Variants in PCSK6 observed in about 807,000 individuals in gnomAD.
The protein encoded by PCSK6 is proprotein convertase subtilisin/kexin type 6.
PCSK6 carries 85 observed loss-of-function variants against 123.3 expected under a neutral mutation model. The observed-to-expected ratio is 0.69, with a 90% confidence interval of 0.58 to 0.83. PCSK6 has a LOEUF of 0.83. Ranked by LOEUF, PCSK6 falls within the 40% of genes least tolerant of loss-of-function variation. The pLI, the probability that PCSK6 is intolerant of heterozygous loss-of-function variation, is 0.00. For synonymous variants in PCSK6, 508 were observed against 516.0 expected (o/e 0.98, Z 0.21); for missense variants, 1,191 against 1,282.3 (o/e 0.93, Z 1.09).
chr15:101,487,928 T>C (rs935041006), intron 1 of PCSK6, among the ~76,000 whole-genome samples: 6 of 152,170 alleles, frequency 3.9e-5, no homozygotes, highest in Non-Finnish European at 8.8e-5. Context: ...TATGTGTGTA[T>C]ATGTGTATAT....
At chr15:101,388,711 G>A (rs62018969) in intron 9 of PCSK6, among the ~76,000 whole-genome samples, 7,554 of 152,120 alleles carry the variant, frequency 0.05, 393 homozygotes, top group East Asian at 0.26. Flanking sequence ...CCATCAGGAT[G>A]GCCTAAAAAA....
chr15:101,321,979 T>C (rs2040134442), intron 18 of PCSK6, among the ~76,000 whole-genome samples: 1 of 152,210 alleles, frequency 6.6e-6, no homozygotes, highest in African/African-American at 2.4e-5. Flanking sequence ...GAAGAAACAT[T>C]TCAAAATATT....
At chr15:101,330,954 A>G (rs893439254) in intron 15 of PCSK6, among the ~76,000 whole-genome samples, 3 of 152,254 alleles carry the variant, frequency 2.0e-5, no homozygotes, top group Admixed American at 2.0e-4. Flanking sequence ...AGAAGATATT[A>G]GATAACTTAA....
At position 101,384,373 on chromosome 15, in the gene PCSK6, G is replaced by A. The variant is rs763996730; in HGVS notation, c.1363C>T (p.Pro455Ser). ...CAGTCGCTCGCTTTCAGGTGGGCCG[G>A]CCGGGATGTCTTCACTAGCAGGTGC... ...VQHLLVKTSR[P>S]AHLKASDWKV... Residue 455 changes from proline (P) to serine (S), a missense_variant, in exon 10 of 22, where the codon CCG becomes TCG. Physicochemically the swap from Pro to Ser is moderately conservative, Grantham distance 74 (BLOSUM62 -1). Around this residue, in one of 3 missense-constraint regions of PCSK6, gnomAD observed 357 missense variants for 484.5 expected, o/e 0.74. Coordinates refer to ENST00000611716, the MANE Select transcript of PCSK6 (RefSeq NM_002570.5). 6.2e-7 allele frequency: 1 copy of A among 1,613,826 alleles called. No individual in the cohort carries two copies. The highest frequency in any genetic ancestry group is 8.5e-7 in the Non-Finnish European group (1 of 1,179,830).
intron 18 of PCSK6, 116 bp downstream of exon 18, chr15:101,322,404 G>A (rs1039595576): frequency 5.8e-6 from 4 of 690,524 alleles, no homozygotes; most frequent in Non-Finnish European, 1.0e-5. Context: ...ACCCTCAATG[G>A]CTTTGGGCCT....
At chr15:101,373,055 A>G (rs1010674016) in intron 11 of PCSK6, among the ~76,000 whole-genome samples, 1 of 152,024 alleles carries the variant, frequency 6.6e-6, no homozygotes, top group African/African-American at 2.4e-5. Flanking sequence ...CGCCACTCTG[A>G]GCCCCACCCA....
intron 1 of PCSK6, among the ~76,000 whole-genome samples, chr15:101,470,068 T>G (rs1196991897): frequency 2.0e-5 from 3 of 152,210 alleles, no homozygotes; most frequent in Admixed American, 1.3e-4. Context: ...CCATTTTTTT[T>G]GAAGAAAGAG....
chr15:101,479,779 C>T (rs1166307478), intron 1 of PCSK6, among the ~76,000 whole-genome samples: 2 of 152,160 alleles, frequency 1.3e-5, no homozygotes, highest in Non-Finnish European at 2.9e-5. Context: ...CCTTCCCCTC[C>T]ACCACCTTCC....
chr15:101,422,263 A>T (rs1161790035), intron 6 of PCSK6, among the ~76,000 whole-genome samples: 2 of 152,244 alleles, frequency 1.3e-5, no homozygotes, highest in Non-Finnish European at 2.9e-5. Context: ...ACAGAAGAGA[A>T]CATATAAACT....
At chr15:101,354,896 A>C (rs2040996844) in intron 13 of PCSK6, among the ~76,000 whole-genome samples, 1 of 152,246 alleles carries the variant, frequency 6.6e-6, no homozygotes, top group Non-Finnish European at 1.5e-5. Context: ...ACTAGCAAGA[A>C]TAACTTTTCC....
intron 6 of PCSK6, among the ~76,000 whole-genome samples, chr15:101,418,210 T>A (rs1281368102): frequency 6.6e-6 from 1 of 152,202 alleles, no homozygotes; most frequent in Admixed American, 6.5e-5. Flanking sequence ...AAAGTCACCA[T>A]ATCCAATCAG....
chr15:101,382,050 C>T, intron 11 of PCSK6, 42 bp downstream of exon 11: 3 of 1,395,952 alleles, frequency 2.1e-6, no homozygotes, highest in Non-Finnish European at 2.0e-6. Flanking sequence ...AGCTCCAAAC[C>T]CACGTGCCTG....
chr15:101,464,320 C>G (rs143249191), intron 1 of PCSK6, among the ~76,000 whole-genome samples: 1 of 152,210 alleles, frequency 6.6e-6, no homozygotes, highest in East Asian at 1.9e-4. Context: ...GGGCTCCAAG[C>G]GGGACGAAAT....
chr15:101,415,295 G>T (rs1415424502), intron 6 of PCSK6, among the ~76,000 whole-genome samples: 1 of 152,216 alleles, frequency 6.6e-6, no homozygotes, highest in Non-Finnish European at 1.5e-5. Flanking sequence ...AGGGTAAATG[G>T]CTGAAGCAGC....
intron 6 of PCSK6, among the ~76,000 whole-genome samples, chr15:101,403,400 A>G (rs1389628010): frequency 6.8e-6 from 1 of 147,574 alleles, no homozygotes; most frequent in African/African-American, 2.5e-5. Context: ...GTGCACATGT[A>G]CCCTAAAACT....
intron 6 of PCSK6, among the ~76,000 whole-genome samples, chr15:101,415,127 G>A (rs1368482020): frequency 4.6e-5 from 7 of 152,144 alleles, no homozygotes; most frequent in South Asian, 2.1e-4. Context: ...CAGCGAAAAC[G>A]GAAAGAAACT....
chr15:101,383,891 G>A (rs1442459767), intron 10 of PCSK6, among the ~76,000 whole-genome samples: 1 of 152,038 alleles, frequency 6.6e-6, no homozygotes, highest in Admixed American at 6.6e-5. Flanking sequence ...TCAAAAAAAA[G>A]TAGTGGGGGA....
chr15:101,309,355 G>A (rs974583828), intron 20 of PCSK6, among the ~76,000 whole-genome samples: 10 of 152,240 alleles, frequency 6.6e-5, no homozygotes, highest in African/African-American at 7.2e-5. Flanking sequence ...CCTGCTTTCC[G>A]TCAGGATTAC....
In PCSK6 at chr15:101,455,771, C is replaced by G. The variant is rs531858217; in HGVS notation, c.298-12111G>C. Among the ~76,000 whole-genome samples, 135 of 152,356 alleles carry G rather than the reference C, an allele frequency of 8.9e-4. No homozygotes were observed. The South Asian group carries it at 0.012, about 14-fold the overall frequency. On this transcript the variant is annotated intron_variant, in intron 1 of 21. Transcript: ENST00000611716. The stretch of plus-strand genomic sequence containing the variant: ...TCTGCTTCTGTGACTCAACCCCACG[C>G]TGGTAATTAAAAATGAAGAAGCTAC...
Sources: allele counts gnomAD v4.1 joint callset (sites outside exome capture counted in the v4.1 genomes callset), GRCh38; gene constraint gnomAD v4.1.1; regional missense constraint gnomAD v4.1.1; transcripts MANE v1.5; gene names NCBI Gene and HGNC (gene_info 2026-07-23, HGNC 2026-07-21).